Variants in MEI4 observed in about 807,000 individuals in gnomAD.
MEI4 encodes meiosis-specific protein MEI4.
MEI4 carries 27 observed loss-of-function variants against 31.4 expected under a neutral mutation model. The ratio of observed to expected loss-of-function variants is 0.86; its 90% CI spans 0.63 to 1.19. The LOEUF (loss-of-function observed/expected upper bound fraction) is 1.19, where lower values mean the gene tolerates loss of function less well. Ranked by LOEUF, MEI4 falls within the 50% of genes most tolerant of loss-of-function variation. The pLI, the probability that MEI4 is intolerant of heterozygous loss-of-function variation, is 0.00. For missense variants in MEI4, 329 were observed against 398.9 expected (o/e 0.82, Z 1.49); for synonymous variants, 122 against 145.4 (o/e 0.84, Z 1.16).
intron 2 of MEI4, among the ~76,000 whole-genome samples, chr6:77,736,501 G>A (rs941335696): frequency 6.6e-6 from 1 of 151,942 alleles, no homozygotes; most frequent in Non-Finnish European, 1.5e-5. Context: ...GCTTGCGAAC[G>A]GTGCGCGCAC....
At chr6:77,892,861 A>G (rs1005842221) in intron 4 of MEI4, among the ~76,000 whole-genome samples, 4 of 151,932 alleles carry the variant, frequency 2.6e-5, no homozygotes, top group Admixed American at 2.0e-4. Context: ...TCCATGCTGC[A>G]TCTGCTTGGA....
intron 4 of MEI4, among the ~76,000 whole-genome samples, chr6:77,919,204 A>G (rs1355711299): frequency 6.6e-6 from 1 of 152,046 alleles, no homozygotes; most frequent in Admixed American, 6.6e-5. Context: ...CATTTTTTTC[A>G]GCACCACACC....
chr6:77,741,574 G>A (rs1244724250), intron 2 of MEI4, among the ~76,000 whole-genome samples: 1 of 152,108 alleles, frequency 6.6e-6, no homozygotes, highest in Non-Finnish European at 1.5e-5. Context: ...GATGGGTCAT[G>A]AAGTATCCAG....
chr6:77,875,156 A>G (rs533366023), intron 4 of MEI4, among the ~76,000 whole-genome samples: 1 of 152,244 alleles, frequency 6.6e-6, no homozygotes, highest in South Asian at 2.1e-4. Context: ...CCCATCATGG[A>G]TATGTCTCCA....
At chr6:77,792,540 A>G (rs908803070) in intron 3 of MEI4, among the ~76,000 whole-genome samples, 2 of 152,192 alleles carry the variant, frequency 1.3e-5, no homozygotes, top group African/African-American at 4.8e-5. Context: ...CATATACAAA[A>G]AAATATTGCT....
At chr6:77,915,766 G>A (rs1766531186) in intron 4 of MEI4, among the ~76,000 whole-genome samples, 1 of 151,848 alleles carries the variant, frequency 6.6e-6, no homozygotes, top group African/African-American at 2.4e-5. Flanking sequence ...TCTCTTTGGG[G>A]ATCTCTGAGC....
intron 2 of MEI4, among the ~76,000 whole-genome samples, chr6:77,693,150 T>G (rs1220958742): frequency 6.6e-6 from 1 of 152,082 alleles, no homozygotes; most frequent in Non-Finnish European, 1.5e-5. Context: ...AATCTTACTA[T>G]TGCATGAGCA....
intron 4 of MEI4, among the ~76,000 whole-genome samples, chr6:77,898,951 A>G (rs1406458844): frequency 6.6e-6 from 1 of 151,960 alleles, no homozygotes; most frequent in African/African-American, 2.4e-5. Context: ...GAAGAAGGGA[A>G]CTCTGGCATA....
intron 1 of MEI4, among the ~76,000 whole-genome samples, chr6:77,679,205 A>T (rs9443432): frequency 6.6e-6 from 1 of 152,234 alleles, no homozygotes; most frequent in African/African-American, 2.4e-5. Context: ...TAAAGTTGAC[A>T]GTAGTATACA....
At chr6:77,678,864 T>A (rs1385570836) in intron 1 of MEI4, among the ~76,000 whole-genome samples, 1 of 152,146 alleles carries the variant, frequency 6.6e-6, no homozygotes, top group African/African-American at 2.4e-5. Flanking sequence ...GTTGAAGACA[T>A]TGATATTGAT....
intron 4 of MEI4, among the ~76,000 whole-genome samples, chr6:77,880,368 C>CT (rs1771454577): frequency 6.6e-6 from 1 of 151,922 alleles, no homozygotes. Flanking sequence ...GTAGCTGGGA[C>CT]TACAGGCGCC....
rs777919134 is a variant in MEI4 at position 77,690,910 on chromosome 6, A to G, written c.232+7A>G. 2 of 1,220,836 alleles carry G rather than the reference A, an allele frequency of 1.6e-6. No homozygotes were observed. Among genetic ancestry groups the G allele is most frequent in the Admixed American group, 4.2e-5 (1 of 23,646 alleles). The allele number at this position is 1,220,836 out of a possible 1,614,324, so 75.6% of individuals were successfully genotyped here. A position where few individuals can be genotyped will look rare whatever the true frequency, so the allele number is the denominator to read the frequency against. ...TCAGGATCCTTTAAGAGTGGTGAGT[A>G]TATAAAATTGCCTTTTGGTAGTATG... On this transcript the variant is annotated splice_region_variant and intron_variant, in intron 2 of 4. Transcript: ENST00000684080.
intron 3 of MEI4, among the ~76,000 whole-genome samples, chr6:77,815,364 TTATC>T (rs1355164490): frequency 6.6e-6 from 1 of 152,122 alleles, no homozygotes; most frequent in East Asian, 1.9e-4. Flanking sequence ...CTTCAATTGT[TTATC>T]TGTTCTATTG....
intron 1 of MEI4, among the ~76,000 whole-genome samples, chr6:77,686,429 C>A (rs1327773430): frequency 6.6e-6 from 1 of 151,850 alleles, no homozygotes; most frequent in African/African-American, 2.4e-5. Context: ...TTTTCCCTTT[C>A]CCCTTTTGTC....
chr6:77,777,953 A>G (rs1768497262), intron 3 of MEI4, among the ~76,000 whole-genome samples: 1 of 152,170 alleles, frequency 6.6e-6, no homozygotes, highest in South Asian at 2.1e-4. Flanking sequence ...GGTTTGGTAC[A>G]TAAAAATTAT....
intron 4 of MEI4, among the ~76,000 whole-genome samples, chr6:77,896,658 T>C (rs550042133): frequency 6.6e-6 from 1 of 152,190 alleles, no homozygotes; most frequent in South Asian, 2.1e-4. Context: ...CCTTGTGATA[T>C]TAGAAAATCT....
chr6:77,905,387 G>T (rs1267612410), intron 4 of MEI4, among the ~76,000 whole-genome samples: 1 of 146,460 alleles, frequency 6.8e-6, no homozygotes, highest in Non-Finnish European at 1.5e-5. Flanking sequence ...GTCTTGTACA[G>T]TTTTATTTGG....
chr6:77,666,737 A>G (rs1277580000), intron 1 of MEI4, among the ~76,000 whole-genome samples: 7 of 151,076 alleles, frequency 4.6e-5, no homozygotes, highest in Admixed American at 3.9e-4. Context: ...TTTTATGGTG[A>G]TTTTTAGAAT....
In MEI4 at chr6:77,908,110, C is replaced by A. The variant is rs568370500; in HGVS notation, c.901-14979C>A. On this transcript the variant is annotated intron_variant, in intron 4 of 4. Coordinates refer to ENST00000684080, the MANE Select transcript of MEI4 (RefSeq NM_001322247.2). ...CCATTCTGTAAGTTTCCTATTCACT[C>A]TGATGGTAGTTTCTTTTGCTGTGCA... Among the ~76,000 whole-genome samples, 41 of 151,766 alleles carry A rather than the reference C, an allele frequency of 2.7e-4. No homozygotes were observed. The South Asian group carries it at 7.9e-3, about 29-fold the overall frequency.
Sources: gnomAD v4.1 joint callset for allele counts (sites outside exome capture counted in the v4.1 genomes callset) on GRCh38, gnomAD v4.1.1 for gene constraint, MANE v1.5 for transcripts, NCBI Gene and HGNC (gene_info 2026-07-23, HGNC 2026-07-21) for gene names.